Variants in LPIN2 observed in about 807,000 individuals in gnomAD.
LPIN2 encodes the protein lipin 2, also known as phosphatidate phosphatase LPIN2.
Under a neutral mutation model 111.4 loss-of-function variants are expected in LPIN2, and 55 were observed. The ratio of observed to expected loss-of-function variants is 0.49; its 90% CI spans 0.40 to 0.62. The LOEUF (loss-of-function observed/expected upper bound fraction) is 0.62. LPIN2 is among the 20% of genes least tolerant of loss of function. The pLI, the probability that LPIN2 is intolerant of heterozygous loss-of-function variation, is 0.00. For synonymous variants in LPIN2, 425 were observed against 414.0 expected (o/e 1.03, Z -0.32); for missense variants, 992 against 1,112.1 (o/e 0.89, Z 1.54).
intron 4 of LPIN2, among the ~76,000 whole-genome samples, chr18:2,945,390 A>T (rs2077435119): frequency 6.6e-6 from 1 of 152,250 alleles, no homozygotes; most frequent in Admixed American, 6.5e-5. Context: ...AGGCACAAAA[A>T]GATAAACTGA....
chr18:2,965,568 A>C (rs953360634), intron 1 of LPIN2, among the ~76,000 whole-genome samples: 2 of 152,032 alleles, frequency 1.3e-5, no homozygotes, highest in Non-Finnish European at 2.9e-5. Flanking sequence ...ATCTCTACTA[A>C]AAATACAAAA....
chr18:2,998,002 G>A (rs1304335624), intron 1 of LPIN2, among the ~76,000 whole-genome samples: 1 of 152,222 alleles, frequency 6.6e-6, no homozygotes, highest in Non-Finnish European at 1.5e-5. Flanking sequence ...GCAGCTCCAG[G>A]CACCCTGTGC....
At chr18:2,953,483 C>T (rs1237186576) in intron 3 of LPIN2, among the ~76,000 whole-genome samples, 1 of 151,926 alleles carries the variant, frequency 6.6e-6, no homozygotes, top group Non-Finnish European at 1.5e-5. Flanking sequence ...AATGAAGAAA[C>T]TAGAAAAAGC....
chr18:2,946,281 A>G (rs778945250), intron 4 of LPIN2: 24 of 1,531,770 alleles, frequency 1.6e-5, no homozygotes, highest in Non-Finnish European at 1.6e-5. Context: ...TTTAATTCAG[A>G]TAGTTCCTTC....
At chr18:3,007,664 A>T (rs1040626723) in intron 1 of LPIN2, among the ~76,000 whole-genome samples, 1 of 152,218 alleles carries the variant, frequency 6.6e-6, no homozygotes, top group African/African-American at 2.4e-5. Flanking sequence ...TCATAAGAAA[A>T]GCACATTGTT....
In LPIN2 at chr18:2,925,301, G is replaced by A. The variant is rs1221458844; in HGVS notation, c.1861C>T (p.Pro621Ser). The A allele has an allele frequency of 6.2e-7, 1 of 1,614,154 alleles. No individual in the cohort carries two copies. The highest frequency in any genetic ancestry group is 2.2e-5 in the East Asian group (1 of 44,880). Residue 621 changes from proline (P) to serine (S), a missense_variant, in exon 14 of 20, where the codon CCC becomes TCC. Physicochemically the swap from Pro to Ser is moderately conservative, Grantham distance 74. Transcript: ENST00000677752. This position sits in a 1 kb window ranked among gnomAD's most constrained non-coding sequence, Gnocchi z 4.1. ...TGGCTCAGGGGCTCTGTGGGGATGG[G>A]GTCCACTGTGATGGATTCTTCGAGC... The part of the protein sequence containing the change: ...QELEESITVD[P>S]IPTEPLSHGS...
intron 4 of LPIN2, among the ~76,000 whole-genome samples, chr18:2,941,110 T>C (rs574241205): frequency 2.0e-5 from 3 of 152,318 alleles, no homozygotes; most frequent in East Asian, 1.9e-4. Flanking sequence ...GTCAAAAAGA[T>C]AGGAAGTAGT....
chr18:3,006,129 T>TA (rs1567867065), intron 1 of LPIN2, among the ~76,000 whole-genome samples: 2 of 152,166 alleles, frequency 1.3e-5, no homozygotes, highest in Non-Finnish European at 2.9e-5. Flanking sequence ...ATACTTTACG[T>TA]AAAAAACTTA....
At chr18:2,942,086 C>A (rs1784743) in intron 4 of LPIN2, among the ~76,000 whole-genome samples, 79,836 of 152,048 alleles carry the variant, frequency 0.53, 21,972 homozygotes, top group Non-Finnish European at 0.61. Context: ...AAACCAGGTT[C>A]TTTTTTAATA....
chr18:2,940,409 G>A (rs1008767376), intron 5 of LPIN2, among the ~76,000 whole-genome samples, 196 bp downstream of exon 5: 87 of 152,284 alleles, frequency 5.7e-4, no homozygotes, highest in African/African-American at 2.0e-3. Flanking sequence ...GGCCAACACT[G>A]TTAGAGTAAG....
intron 13 of LPIN2, 98 bp downstream of exon 13, chr18:2,926,625 C>A (rs112137712): frequency 1.0e-6 from 1 of 994,824 alleles, no homozygotes; most frequent in African/African-American, 1.6e-5. Context: ...GCAGAAGATA[C>A]TCCCAAGAAC....
chr18:2,917,128 A>G lies in LPIN2; in HGVS notation c.*3165T>C, dbSNP rs1217752580. ...GAGTACTGTACTGATGATGTTTACAATTAACTTTGGACAACTTAAAACTTA... is the reference window on the plus strand; with the variant it reads ...GAGTACTGTACTGATGATGTTTACAGTTAACTTTGGACAACTTAAAACTTA... On this transcript the variant is annotated 3_prime_UTR_variant, in exon 20 of 20. Transcript: ENST00000677752. 2.0e-5 allele frequency: 3 copies of G among 152,350 alleles called. No individual in the cohort carries two copies. In the East Asian group the frequency reaches 5.8e-4, roughly 29 times the overall value. The allele number at this position is 152,350 out of a possible 1,614,324, so 9.4% of individuals were successfully genotyped here.
intron 1 of LPIN2, among the ~76,000 whole-genome samples, chr18:3,012,601 C>G (rs1245487653): frequency 6.6e-6 from 1 of 152,210 alleles, no homozygotes; most frequent in Non-Finnish European, 1.5e-5. Context: ...AACTCGGCGG[C>G]CCCCGCCTCG....
intron 4 of LPIN2, among the ~76,000 whole-genome samples, chr18:2,941,727 C>A (rs112852887): frequency 2.0e-5 from 3 of 152,186 alleles, no homozygotes; most frequent in African/African-American, 7.2e-5. Flanking sequence ...GGGTTCAAGA[C>A]CAGCCTGGCC....
chr18:2,977,921 G>A (rs920820433), intron 1 of LPIN2, among the ~76,000 whole-genome samples: 5 of 152,144 alleles, frequency 3.3e-5, no homozygotes, highest in African/African-American at 4.8e-5. Context: ...GGCCGGGCTC[G>A]GTGGTTTACA....
intron 2 of LPIN2, among the ~76,000 whole-genome samples, chr18:2,960,174 ATGTGTGTGTGTGTGTGTGTGTG>A (rs59457524): frequency 3.7e-5 from 5 of 136,632 alleles, no homozygotes; most frequent in South Asian, 2.5e-4. Flanking sequence ...CGACTCAAAA[ATGTGTGTGTGTGTGTGTGTGTG>A]TGTGTGTGTG....
Position 2,945,521 on chromosome 18 carries a change from T to TA in LPIN2, c.591-4810dup. 3 of 1,137,900 alleles carry TA rather than the reference T, an allele frequency of 2.6e-6. No homozygotes were observed. The South Asian group carries it at 3.7e-5, about 14-fold the overall frequency. The allele number at this position is 1,137,900 out of a possible 1,614,324, so 70.5% of individuals were successfully genotyped here. ...ACAGTATTAAAAATTCTGAAATACG[T>TA]AATAGCCTTCCTCCCATCTCCCACT... On this transcript the variant is annotated intron_variant, in intron 4 of 19. Coordinates refer to ENST00000677752, the MANE Select transcript of LPIN2 (RefSeq NM_001375808.2).
At chr18:3,012,969 G>A (rs2078632812) in intron 1 of LPIN2, 118 bp downstream of exon 1, 1 of 151,012 alleles carries the variant, frequency 6.6e-6, no homozygotes, top group South Asian at 2.1e-4. Flanking sequence ...CCGCCCCGGA[G>A]GGTCCCGGCC....
Position 2,934,505 on chromosome 18 carries a change from T to C in LPIN2, c.1169-55A>G, listed in dbSNP as rs1009264885. 37 of 1,126,038 alleles carry C rather than the reference T, an allele frequency of 3.3e-5. No individual in the cohort carries two copies. The Middle Eastern group carries it at 5.9e-4, about 18-fold the overall frequency. The allele number at this position is 1,126,038 out of a possible 1,614,324, so 69.8% of individuals were successfully genotyped here. A position where few individuals can be genotyped will look rare whatever the true frequency, so the allele number is the denominator to read the frequency against. ...TTTAGTTATTCTTCATTTACAGCTC[T>C]GCAAAACACACGCACGTTTGCAAAC... is the stretch of plus-strand genomic sequence containing the variant. On this transcript the variant is annotated intron_variant, in intron 7 of 19. Transcript: ENST00000677752.
Sources: allele counts gnomAD v4.1 joint callset (sites outside exome capture counted in the v4.1 genomes callset), GRCh38; gene constraint gnomAD v4.1.1; non-coding constraint Gnocchi (gnomAD v3.1); transcripts MANE v1.5; gene names NCBI Gene and HGNC (gene_info 2026-07-23, HGNC 2026-07-21).